The following PTGER4 variants were observed in gnomAD, a reference collection of about 807,000 sequenced individuals.
The protein encoded by PTGER4 is prostaglandin E2 receptor EP4 subtype.
Under a neutral mutation model 33.2 loss-of-function variants are expected in PTGER4, and 11 were observed. That is an observed-to-expected ratio of 0.33 (90% CI 0.21 to 0.55). The LOEUF (loss-of-function observed/expected upper bound fraction) is 0.55, where lower values mean the gene tolerates loss of function less well. Among genes scored for constraint, PTGER4 ranks in the 20% least tolerant of loss-of-function variants. PTGER4 has a pLI of 0.92. For synonymous variants in PTGER4, 275 were observed against 281.5 expected, an observed-to-expected ratio of 0.98 and a Z score of 0.23; for missense variants, 481 against 650.2, an observed-to-expected ratio of 0.74 and a Z score of 2.83.
intron 2 of PTGER4, among the ~76,000 whole-genome samples, chr5:40,684,194 C>A (rs1177868445): frequency 7.1e-6 from 1 of 139,884 alleles, no homozygotes; most frequent in Non-Finnish European, 1.5e-5. Flanking sequence ...TCTTCCTTGG[C>A]TTCCTTTTAC....
At chr5:40,710,370 C>T in the PTGER4 span, among the ~76,000 whole-genome samples, 2 of 152,258 alleles carry the variant, frequency 1.3e-5, no homozygotes, top group East Asian at 1.9e-4. Flanking sequence ...ATCAAAACCA[C>T]AGTGAGATAC....
At chr5:40,740,069 A>C in the PTGER4 span, among the ~76,000 whole-genome samples, 1 of 152,122 alleles carries the variant, frequency 6.6e-6, no homozygotes, top group Admixed American at 6.5e-5. Flanking sequence ...GCCTAATAGC[A>C]ATATAATTCC....
the PTGER4 span, among the ~76,000 whole-genome samples, chr5:40,738,484 C>CAATAA: frequency 6.1e-3 from 544 of 89,576 alleles, 7 homozygotes; most frequent in African/African-American, 0.018. Context: ...CAATACAATA[C>CAATAA]AATACAATAC....
downstream of PTGER4, among the ~76,000 whole-genome samples, chr5:40,697,570 C>A (rs1299715126): frequency 8.7e-6 from 1 of 115,454 alleles, no homozygotes; most frequent in Admixed American, 1.2e-4. Flanking sequence ...GGGCAGCGAG[C>A]GAAATTCCAT....
At chr5:40,728,315 T>A in the PTGER4 span, 6 of 1,015,596 alleles carry the variant, frequency 5.9e-6, no homozygotes, top group Non-Finnish European at 8.0e-6. Flanking sequence ...TACTTAAAAT[T>A]TCTGCATTAT....
the PTGER4 span, chr5:40,716,267 T>C: frequency 1.6e-5 from 26 of 1,614,104 alleles, no homozygotes; most frequent in South Asian, 2.6e-4. Context: ...GAAACTGTCT[T>C]CTCTTTCTCA....
downstream of PTGER4, among the ~76,000 whole-genome samples, chr5:40,694,194 G>A (rs190278356): frequency 9.5e-3 from 1,441 of 152,160 alleles, 4 homozygotes; most frequent in Non-Finnish European, 0.014. Context: ...GAGATTACAG[G>A]CGTGTACCAC....
At chr5:40,703,542 T>C in the PTGER4 span, among the ~76,000 whole-genome samples, 1 of 152,088 alleles carries the variant, frequency 6.6e-6, no homozygotes, top group East Asian at 1.9e-4. Context: ...GATGGAGTCA[T>C]AGCCGAATTC....
the PTGER4 span, chr5:40,746,684 T>C: frequency 2.5e-6 from 2 of 812,456 alleles, no homozygotes; most frequent in East Asian, 5.5e-5. Flanking sequence ...ATTTAGCACC[T>C]AGAATAGATT....
downstream of PTGER4, among the ~76,000 whole-genome samples, chr5:40,697,235 A>AAAGAAAGAAAG (rs766538136): frequency 2.2e-4 from 5 of 22,408 alleles, no homozygotes; most frequent in African/African-American, 6.1e-4. Flanking sequence ...GAAAAGAAAG[A>AAAGAAAGAAAG]AAGAAAGAAA....
intron 2 of PTGER4, among the ~76,000 whole-genome samples, chr5:40,687,068 C>T (rs1052880509): frequency 2.6e-5 from 4 of 151,878 alleles, no homozygotes; most frequent in South Asian, 2.1e-4. Flanking sequence ...TGTTTTGAGA[C>T]GGAGTTTCAC....
downstream of PTGER4, chr5:40,696,757 C>T: frequency 1.1e-6 from 1 of 929,556 alleles, no homozygotes; most frequent in Non-Finnish European, 1.3e-6. Context: ...AAAATCTGAA[C>T]AATTAGGTAA....
chr5:40,738,069 T>C, the PTGER4 span, among the ~76,000 whole-genome samples: 1 of 152,316 alleles, frequency 6.6e-6, no homozygotes. Context: ...TCTGAATTAG[T>C]ATCTAGGAAT....
intron 2 of PTGER4, among the ~76,000 whole-genome samples, chr5:40,690,620 T>G (rs1411362181): frequency 6.6e-6 from 1 of 152,246 alleles, no homozygotes; most frequent in African/African-American, 2.4e-5. Flanking sequence ...CTGGTCATTC[T>G]GGGTAACAGG....
At chr5:40,706,126 T>C in the PTGER4 span, among the ~76,000 whole-genome samples, 1 of 152,136 alleles carries the variant, frequency 6.6e-6, no homozygotes, top group Non-Finnish European at 1.5e-5. Context: ...TACATATACA[T>C]CATGGAGTAT....
the PTGER4 span, among the ~76,000 whole-genome samples, chr5:40,740,109 T>C: frequency 6.6e-6 from 1 of 152,274 alleles, no homozygotes; most frequent in South Asian, 2.1e-4. Flanking sequence ...CTATTACAAT[T>C]GTTATATATT....
At chr5:40,740,414 C>A in the PTGER4 span, among the ~76,000 whole-genome samples, 1 of 151,888 alleles carries the variant, frequency 6.6e-6, no homozygotes. Context: ...TTTTATAATA[C>A]AAAGAATTCT....
At chr5:40,694,133 C>T (rs1366281187), downstream of PTGER4, among the ~76,000 whole-genome samples, 1 of 152,116 alleles carries the variant, frequency 6.6e-6, no homozygotes, top group Non-Finnish European at 1.5e-5. Flanking sequence ...TCACTGCAAC[C>T]TCCACCTCCC....
chr5:40,708,659 G>A, the PTGER4 span, among the ~76,000 whole-genome samples: 5 of 152,120 alleles, frequency 3.3e-5, no homozygotes, highest in African/African-American at 1.2e-4. Context: ...AGAAAAAGAG[G>A]GAATCCTCCC....
Sources: gnomAD v4.1 joint callset for allele counts (sites outside exome capture counted in the v4.1 genomes callset) on GRCh38, gnomAD v4.1.1 for gene constraint, MANE v1.5 for transcripts, NCBI Gene and HGNC (gene_info 2026-07-23, HGNC 2026-07-21) for gene names.